The following TCERG1L variants were observed in gnomAD, a reference collection of about 807,000 sequenced individuals.
TCERG1L encodes the protein transcription elongation regulator 1-like protein.
A neutral mutation model predicts 56.3 loss-of-function variants in TCERG1L; 37 were observed. That is an observed-to-expected ratio of 0.66 (90% CI 0.51 to 0.87). The LOEUF is 0.87. Among genes scored for constraint, TCERG1L ranks in the 40% least tolerant of loss-of-function variants. The probability of loss-of-function intolerance (pLI) is 0.00; values close to 1 mark genes in which losing one functional copy is unlikely to be tolerated. For synonymous variants in TCERG1L, 324 were observed against 326.3 expected (o/e 0.99, Z 0.08); for missense variants, 799 against 774.2 (o/e 1.03, Z -0.38).
rs577520186 is a variant in TCERG1L, at chr10:131,228,864, C to T, written c.856+31395G>A. Among the ~76,000 whole-genome samples the T allele has an allele frequency of 4.7e-5, 6 of 126,590 alleles. No individual in the cohort carries two copies. In the East Asian group the frequency reaches 1.1e-3, roughly 23 times the overall value. 83.0% of individuals were successfully genotyped at this position (126,590 alleles called of 152,430 possible). On this transcript the variant is annotated intron_variant, in intron 4 of 11. Coordinates refer to ENST00000368642, the MANE Select transcript of TCERG1L (RefSeq NM_174937.4). ...CATTTCCTCAAGGTCTCCGGAGTCTCCCCTCCAGACAGGCATTTCCTCAAG... is the reference window on the plus strand; with the variant it reads ...CATTTCCTCAAGGTCTCCGGAGTCTTCCCTCCAGACAGGCATTTCCTCAAG...
chr10:131,128,159 A>G (rs1489072969), intron 8 of TCERG1L, among the ~76,000 whole-genome samples: 1 of 152,244 alleles, frequency 6.6e-6, no homozygotes, highest in Non-Finnish European at 1.5e-5. Flanking sequence ...AAAAGTGGAA[A>G]TGAAGAATAA....
At chr10:131,141,259 G>A (rs144786705) in intron 7 of TCERG1L, among the ~76,000 whole-genome samples, 2 of 152,270 alleles carry the variant, frequency 1.3e-5, no homozygotes, top group African/African-American at 4.8e-5. Flanking sequence ...GAGGCTCACT[G>A]TCCCCAGACA....
chr10:131,255,596 G>T (rs1000663904), intron 4 of TCERG1L, among the ~76,000 whole-genome samples: 21 of 152,230 alleles, frequency 1.4e-4, no homozygotes, highest in African/African-American at 5.1e-4. Flanking sequence ...ATAACCTTAG[G>T]CACGCTGTGG....
rs956331191 is a variant in TCERG1L, at chr10:131,275,523, G to GAGAAC, written c.671-15084_671-15080dup. ...ACTAGAGATTAATGACACTACCCAG[G>GAGAAC]AGAACAGATTGCTGTGAATACCTGG... is the stretch of plus-strand genomic sequence containing the variant. On this transcript the variant is annotated intron_variant, in intron 3 of 11. Coordinates refer to ENST00000368642, the MANE Select transcript of TCERG1L (RefSeq NM_174937.4). 1.1e-4 allele frequency among the ~76,000 whole-genome samples: 16 copies of GAGAAC among 152,198 alleles called. No individual in the cohort carries two copies. In the East Asian group the frequency reaches 2.9e-3, roughly 28 times the overall value.
chr10:131,182,419 A>G (rs1033893297), intron 4 of TCERG1L, among the ~76,000 whole-genome samples: 1 of 152,272 alleles, frequency 6.6e-6, no homozygotes, highest in African/African-American at 2.4e-5. Context: ...TTTAAAAGAA[A>G]TAAACATTTA....
Position 131,295,956 on chromosome 10 carries a change from A to AT in TCERG1L, c.670+12254dup, listed in dbSNP as rs200390187. ...CATATATTTTGTCCATTTCTGTTGG[A>AT]TTTTTTTTTCTTATGACTAAGTTTT... On this transcript the variant is annotated intron_variant, in intron 3 of 11. Transcript: ENST00000368642. Among the ~76,000 whole-genome samples, 183 of 150,254 alleles carry AT rather than the reference A, an allele frequency of 1.2e-3. 1 individual carries two copies. The highest frequency in any genetic ancestry group is 2.1e-3 in the Non-Finnish European group (144 of 67,402).
intron 3 of TCERG1L, among the ~76,000 whole-genome samples, chr10:131,306,711 A>T (rs1014910553): frequency 6.6e-6 from 1 of 152,132 alleles, no homozygotes; most frequent in African/African-American, 2.4e-5. Context: ...AAAATCAAAG[A>T]AGGTAAAATC....
intron 3 of TCERG1L, among the ~76,000 whole-genome samples, chr10:131,268,343 C>G (rs933536485): frequency 6.6e-6 from 1 of 152,208 alleles, no homozygotes; most frequent in Non-Finnish European, 1.5e-5. Context: ...ATGCTAGAAA[C>G]AGATGTGCTG....
intron 4 of TCERG1L, among the ~76,000 whole-genome samples, chr10:131,256,996 A>G (rs4751352): frequency 0.048 from 2,243 of 46,278 alleles, 17 homozygotes; most frequent in African/African-American, 0.084. Flanking sequence ...AAGGAAGGAA[A>G]GAAAGAAAGA....
intron 5 of TCERG1L, 29 bp from the exon 6 acceptor site, chr10:131,163,239 C>A: frequency 6.8e-7 from 1 of 1,470,388 alleles, no homozygotes; most frequent in South Asian, 1.4e-5. Flanking sequence ...AGGGGAGTGG[C>A]TTTTAATTTT....
intron 4 of TCERG1L, among the ~76,000 whole-genome samples, chr10:131,238,192 G>A (rs182181069): frequency 5.5e-4 from 83 of 152,254 alleles, no homozygotes; most frequent in Admixed American, 1.6e-3. Context: ...GGTCCGCTCC[G>A]GCAGGATCTC....
At chr10:131,188,844 G>A (rs746380811) in intron 4 of TCERG1L, among the ~76,000 whole-genome samples, 6 of 152,124 alleles carry the variant, frequency 3.9e-5, no homozygotes, top group Admixed American at 2.0e-4. Context: ...CAACTGTCAC[G>A]GAAAGTAATA....
chr10:131,107,843 G>A (rs555200988), intron 9 of TCERG1L, among the ~76,000 whole-genome samples: 7 of 152,098 alleles, frequency 4.6e-5, no homozygotes, highest in East Asian at 1.9e-4. Flanking sequence ...CCCAGGACAC[G>A]CTAAGATATA....
intron 6 of TCERG1L, among the ~76,000 whole-genome samples, chr10:131,154,492 C>T (rs1241677285): frequency 6.6e-6 from 1 of 152,188 alleles, no homozygotes; most frequent in East Asian, 1.9e-4. Flanking sequence ...GGGGCCGGGC[C>T]ACCAGGGCTG....
At chr10:131,263,144 T>C (rs1457821796) in intron 3 of TCERG1L, among the ~76,000 whole-genome samples, 1 of 152,154 alleles carries the variant, frequency 6.6e-6, no homozygotes, top group African/African-American at 2.4e-5. Flanking sequence ...TATGCCATTT[T>C]GCATTCCCAC....
rs188709395 is a variant in TCERG1L at position 131,251,557 on chromosome 10, G to C, written c.856+8702C>G. Among the ~76,000 whole-genome samples, 178 of 152,276 alleles carry C rather than the reference G, an allele frequency of 1.2e-3. 2 individuals carry two copies. Among genetic ancestry groups the C allele is most frequent in the Non-Finnish European group, 2.1e-3 (145 of 68,030 alleles). ...AGCTTCTACTGTGTTCCGGACTGCT[G>C]ATGTGGCCAGATATCCGGTCGCTGG... On this transcript the variant is annotated intron_variant, in intron 4 of 11. Transcript: ENST00000368642.
In TCERG1L at chr10:131,092,799, T is replaced by C. The variant is rs1403068657; in HGVS notation, c.*363A>G. 5.9e-6 allele frequency: 1 copy of C among 168,790 alleles called. No individual in the cohort carries two copies. The highest frequency in any genetic ancestry group is 1.6e-4 in the East Asian group (1 of 6,080). The allele number at this position is 168,790 out of a possible 1,614,324, so 10.5% of individuals were successfully genotyped here. ...TTCACAAAGGTTTTCAGAAAAGTTT[T>C]CGCCAATCGTCTTAGGTGATGACAC... On this transcript the variant is annotated 3_prime_UTR_variant, in exon 12 of 12. Coordinates refer to ENST00000368642, the MANE Select transcript of TCERG1L (RefSeq NM_174937.4).
At chr10:131,175,909 G>A (rs780321725) in intron 4 of TCERG1L, among the ~76,000 whole-genome samples, 59 of 152,218 alleles carry the variant, frequency 3.9e-4, no homozygotes, top group Admixed American at 6.5e-4. Flanking sequence ...AGAGATTCAT[G>A]TGAACTTGTA....
intron 4 of TCERG1L, among the ~76,000 whole-genome samples, chr10:131,172,142 C>T (rs759648000): frequency 6.6e-6 from 1 of 152,296 alleles, no homozygotes; most frequent in African/African-American, 2.4e-5. Flanking sequence ...TATCTGGAAG[C>T]GTGTGGAGTA....
Sources: gnomAD v4.1 joint callset for allele counts (sites outside exome capture counted in the v4.1 genomes callset) on GRCh38, gnomAD v4.1.1 for gene constraint, MANE v1.5 for transcripts, NCBI Gene and HGNC (gene_info 2026-07-23, HGNC 2026-07-21) for gene names.